RBPJ: variants seen among roughly 807,000 people sequenced by gnomAD.
RBPJ encodes the protein recombining binding protein suppressor of hairless.
A neutral mutation model predicts 67.8 loss-of-function variants in RBPJ; 9 were observed. That is an observed-to-expected ratio of 0.13 (90% CI 0.08 to 0.23). RBPJ has a LOEUF of 0.23. Among genes scored for constraint, RBPJ ranks in the 10% least tolerant of loss-of-function variants. RBPJ has a pLI of 1.00. For missense variants in RBPJ, 305 were observed against 595.6 expected (o/e 0.51, Z 5.08); for synonymous variants, 198 against 203.3 (o/e 0.97, Z 0.22).
At chr4:26,282,136 CT>C (rs869155604) in intron 1 of RBPJ, among the ~76,000 whole-genome samples, 44 of 51,852 alleles carry the variant, frequency 8.5e-4, no homozygotes, top group South Asian at 3.9e-3. Flanking sequence ...CTCTCTCTCT[CT>C]TTTTTTTTTT....
At chr4:26,355,223 C>T (rs1282159383) in intron 1 of RBPJ, among the ~76,000 whole-genome samples, 1 of 151,918 alleles carries the variant, frequency 6.6e-6, no homozygotes, top group Non-Finnish European at 1.5e-5. Flanking sequence ...CCATATGGCC[C>T]GACTATATAT....
At chr4:26,351,989 A>G (rs1207868500) in intron 1 of RBPJ, among the ~76,000 whole-genome samples, 2 of 152,134 alleles carry the variant, frequency 1.3e-5, no homozygotes, top group Non-Finnish European at 2.9e-5. Context: ...GTTCCCTTTC[A>G]TACCTACTTT....
At chr4:26,417,345 C>A (rs1734693200) in intron 4 of RBPJ, among the ~76,000 whole-genome samples, 1 of 152,070 alleles carries the variant, frequency 6.6e-6, no homozygotes, top group South Asian at 2.1e-4. Context: ...TAATTTTGTA[C>A]CTTTAGGGGC....
chr4:26,416,475 C>G (rs1734601170), intron 4 of RBPJ, among the ~76,000 whole-genome samples: 1 of 152,146 alleles, frequency 6.6e-6, no homozygotes, highest in Non-Finnish European at 1.5e-5. Flanking sequence ...AGCAATCCAT[C>G]CACCTCAGCC....
chr4:26,247,208 G>T (rs1467630053), intron 1 of RBPJ, among the ~76,000 whole-genome samples: 1 of 150,990 alleles, frequency 6.6e-6, no homozygotes, highest in Admixed American at 6.6e-5. Flanking sequence ...TTTATTACTG[G>T]ATTATTGATA....
At chr4:26,167,314 C>A (rs1384701398) in intron 1 of RBPJ, among the ~76,000 whole-genome samples, 1 of 152,122 alleles carries the variant, frequency 6.6e-6, no homozygotes, top group African/African-American at 2.4e-5. Flanking sequence ...GGCAGTGTGG[C>A]CATTTTCATG....
chr4:26,342,134 C>G (rs992366830), intron 1 of RBPJ, among the ~76,000 whole-genome samples: 1 of 152,126 alleles, frequency 6.6e-6, no homozygotes, highest in Non-Finnish European at 1.5e-5. Flanking sequence ...GCGTTTCTAG[C>G]AAGTTCCCGG....
chr4:26,428,938 A>G (rs1268028539), intron 8 of RBPJ, 78 bp downstream of exon 8: 3 of 1,114,444 alleles, frequency 2.7e-6, no homozygotes, highest in Non-Finnish European at 4.0e-6. Context: ...TGAAATTTTC[A>G]TTTGCTGTTA....
intron 1 of RBPJ, among the ~76,000 whole-genome samples, chr4:26,200,756 G>T (rs1717954719): frequency 6.6e-6 from 1 of 150,390 alleles, no homozygotes; most frequent in South Asian, 2.1e-4. Flanking sequence ...TCAACTTCAG[G>T]TCTCAGATTA....
intron 4 of RBPJ, among the ~76,000 whole-genome samples, chr4:26,419,485 T>C (rs866774174): frequency 6.6e-6 from 1 of 152,214 alleles, no homozygotes; most frequent in South Asian, 2.1e-4. Flanking sequence ...AGGCTGTCTG[T>C]GAATAAAATT....
At chr4:26,183,263 G>C (rs560377101) in intron 1 of RBPJ, among the ~76,000 whole-genome samples, 2 of 152,170 alleles carry the variant, frequency 1.3e-5, no homozygotes, top group Non-Finnish European at 2.9e-5. Context: ...GTCACTAGGC[G>C]ATAGGAAGTT....
chr4:26,142,109 A>G, the RBPJ span, among the ~76,000 whole-genome samples: 1 of 152,164 alleles, frequency 6.6e-6, no homozygotes, highest in African/African-American at 2.4e-5. Context: ...TTCAGGGTAC[A>G]TTTCCCCTGC....
intron 1 of RBPJ, among the ~76,000 whole-genome samples, chr4:26,186,047 A>G (rs927265280): frequency 2.0e-5 from 3 of 152,186 alleles, no homozygotes; most frequent in Non-Finnish European, 4.4e-5. Flanking sequence ...ATTCTGTCTC[A>G]AGAAAAAAAC....
intron 1 of RBPJ, among the ~76,000 whole-genome samples, chr4:26,342,315 C>G (rs1397674983): frequency 6.6e-6 from 1 of 150,574 alleles, no homozygotes; most frequent in Non-Finnish European, 1.5e-5. Context: ...CAGGAGGTCT[C>G]TAGTTGCATT....
intron 1 of RBPJ, among the ~76,000 whole-genome samples, chr4:26,182,736 C>T (rs567047423): frequency 2.6e-5 from 4 of 152,098 alleles, no homozygotes; most frequent in African/African-American, 7.2e-5. Flanking sequence ...TCAGCTCAAA[C>T]GATCCTCCCA....
upstream of RBPJ, chr4:26,320,756 C>G (rs1560262437): frequency 1.3e-6 from 2 of 1,553,876 alleles, no homozygotes; most frequent in East Asian, 4.8e-5. Context: ...GAGCGCTCCC[C>G]ATGGACCACA....
At chr4:26,108,069 C>T in the RBPJ span, among the ~76,000 whole-genome samples, 49 of 152,266 alleles carry the variant, frequency 3.2e-4, no homozygotes, top group Non-Finnish European at 4.4e-5. Context: ...AGTGTGGCTG[C>T]CCAGATGACA....
chr4:26,207,140 T>G (rs1173336348), intron 1 of RBPJ, among the ~76,000 whole-genome samples: 6 of 152,182 alleles, frequency 3.9e-5, no homozygotes, highest in African/African-American at 1.4e-4. Flanking sequence ...GTGGTTCACG[T>G]CTGATTCTGA....
intron 1 of RBPJ, among the ~76,000 whole-genome samples, chr4:26,192,522 A>G (rs1408094687): frequency 1.3e-5 from 2 of 152,334 alleles, no homozygotes; most frequent in African/African-American, 2.4e-5. Context: ...AATGGCCAGT[A>G]TCTAATGAGC....
Sources: allele counts gnomAD v4.1 joint callset (sites outside exome capture counted in the v4.1 genomes callset), GRCh38; gene constraint gnomAD v4.1.1; transcripts MANE v1.5; gene names NCBI Gene and HGNC (gene_info 2026-07-23, HGNC 2026-07-21).